The following RBMS3 variants were observed in gnomAD, a reference collection of about 807,000 sequenced individuals.
RBMS3 encodes the protein RNA-binding motif, single-stranded-interacting protein 3.
In RBMS3, 27 loss-of-function variants were observed where a neutral mutation model predicts 66.8. The ratio of observed to expected loss-of-function variants is 0.40; its 90% CI spans 0.30 to 0.56. The LOEUF (loss-of-function observed/expected upper bound fraction) is 0.56. RBMS3 is among the 20% of genes least tolerant of loss of function. RBMS3 has a pLI of 0.40. For synonymous variants in RBMS3, 188 were observed against 183.0 expected (o/e 1.03, Z -0.22); for missense variants, 513 against 549.5 (o/e 0.93, Z 0.66).
At chr3:29,682,697 C>G (rs956383886) in intron 4 of RBMS3, among the ~76,000 whole-genome samples, 18 of 152,286 alleles carry the variant, frequency 1.2e-4, no homozygotes, top group Non-Finnish European at 2.2e-4. Flanking sequence ...CAGAGTACCA[C>G]TCTATAACAT....
chr3:29,812,485 A>C (rs1044320948), intron 6 of RBMS3, among the ~76,000 whole-genome samples: 2 of 152,196 alleles, frequency 1.3e-5, no homozygotes, highest in Non-Finnish European at 2.9e-5. Flanking sequence ...CCGGTGAACT[A>C]AGATCTAACT....
intron 1 of RBMS3, among the ~76,000 whole-genome samples, chr3:29,284,437 C>A (rs1485389197): frequency 6.6e-6 from 1 of 152,100 alleles, no homozygotes; most frequent in South Asian, 2.1e-4. Context: ...AAAATGCACA[C>A]ATGCTGAACT....
At chr3:29,304,797 A>G (rs1326180478) in intron 1 of RBMS3, among the ~76,000 whole-genome samples, 1 of 151,920 alleles carries the variant, frequency 6.6e-6, no homozygotes, top group Non-Finnish European at 1.5e-5. Flanking sequence ...GATCCCCTGC[A>G]TTGTTCATAG....
intron 5 of RBMS3, among the ~76,000 whole-genome samples, chr3:29,753,421 C>T (rs1296148556): frequency 6.6e-6 from 1 of 152,216 alleles, no homozygotes; most frequent in Non-Finnish European, 1.5e-5. Context: ...AGACCACCCT[C>T]CCACAGGAGG....
intron 1 of RBMS3, among the ~76,000 whole-genome samples, chr3:29,332,601 T>C (rs978677875): frequency 6.6e-5 from 10 of 152,188 alleles, no homozygotes; most frequent in African/African-American, 2.4e-4. Context: ...GTGGTGTCAA[T>C]GCCTCCTTCA....
At chr3:29,384,174 G>A (rs939163460) in intron 1 of RBMS3, among the ~76,000 whole-genome samples, 2 of 152,096 alleles carry the variant, frequency 1.3e-5, no homozygotes, top group Middle Eastern at 3.4e-3. Flanking sequence ...AAATTAGCCA[G>A]GCATGGTGAG....
chr3:29,932,399 T>G (rs1464894366), intron 10 of RBMS3, among the ~76,000 whole-genome samples: 1 of 152,188 alleles, frequency 6.6e-6, no homozygotes, highest in Non-Finnish European at 1.5e-5. Flanking sequence ...ATAGCAGTTT[T>G]TAGACAGAGC....
At chr3:29,438,335 C>T (rs2125732355) in intron 2 of RBMS3, among the ~76,000 whole-genome samples, 1 of 152,056 alleles carries the variant, frequency 6.6e-6, no homozygotes, top group South Asian at 2.1e-4. Context: ...AAAACAGATA[C>T]ACAAAACAGC....
chr3:29,970,598 T>C (rs933754784), intron 12 of RBMS3, among the ~76,000 whole-genome samples: 1 of 152,204 alleles, frequency 6.6e-6, no homozygotes, highest in Non-Finnish European at 1.5e-5. Flanking sequence ...AACTGAGATA[T>C]CACTGGGTCT....
In RBMS3 at chr3:30,007,959, GC is replaced by G. The variant is rs1203042939; in HGVS notation, c.*4098del. On this transcript the variant is annotated 3_prime_UTR_variant, in exon 15 of 15. Coordinates refer to ENST00000383767, the MANE Select transcript of RBMS3 (RefSeq NM_001003793.3). Reference sequence around the variant, plus strand: ...AATATAAGGCTGAGAACTGAAGAAGGCTGTTTAAAGCAGGAATTTCACTTTA... The same window carrying G: ...AATATAAGGCTGAGAACTGAAGAAGGTGTTTAAAGCAGGAATTTCACTTTA... The G allele has an allele frequency of 6.6e-6, 1 of 151,976 alleles. No individual in the cohort carries two copies. Among genetic ancestry groups the G allele is most frequent in the Non-Finnish European group, 1.5e-5 (1 of 67,928 alleles). 9.4% of individuals were successfully genotyped at this position (151,976 alleles called of 1,614,324 possible).
intron 5 of RBMS3, among the ~76,000 whole-genome samples, chr3:29,750,474 CAT>C (rs1443221582): frequency 6.6e-6 from 1 of 152,136 alleles, no homozygotes; most frequent in Non-Finnish European, 1.5e-5. Context: ...TATATCAAGA[CAT>C]ATCTGAATTT....
chr3:29,869,170 C>T (rs1012224320), intron 7 of RBMS3, among the ~76,000 whole-genome samples: 6 of 152,254 alleles, frequency 3.9e-5, no homozygotes, highest in South Asian at 4.1e-4. Flanking sequence ...CTCAGTTCTG[C>T]ACTACAGCAA....
chr3:29,470,616 C>CTTA (rs2125796631), intron 2 of RBMS3, among the ~76,000 whole-genome samples: 1 of 151,936 alleles, frequency 6.6e-6, no homozygotes, highest in Non-Finnish European at 1.5e-5. Flanking sequence ...TCAAAAGATA[C>CTTA]TTATGGCAAT....
chr3:29,537,442 A>G (rs1292253644), intron 3 of RBMS3, among the ~76,000 whole-genome samples: 2 of 152,246 alleles, frequency 1.3e-5, no homozygotes, highest in Non-Finnish European at 2.9e-5. Context: ...GAAATTACCA[A>G]AATACCTTAA....
chr3:29,447,486 A>G, intron 2 of RBMS3, among the ~76,000 whole-genome samples: 1 of 152,188 alleles, frequency 6.6e-6, no homozygotes, highest in Non-Finnish European at 1.5e-5. Context: ...ATCAATTTTT[A>G]GCTGTGTCTC....
chr3:29,693,465 A>T (rs570425014), intron 4 of RBMS3, among the ~76,000 whole-genome samples: 2 of 152,124 alleles, frequency 1.3e-5, no homozygotes, highest in Non-Finnish European at 1.5e-5. Flanking sequence ...AAACAGGGGG[A>T]TGGGAAAAGC....
chr3:29,496,485 C>A (rs1463551231), intron 3 of RBMS3, among the ~76,000 whole-genome samples: 1 of 152,116 alleles, frequency 6.6e-6, no homozygotes, highest in African/African-American at 2.4e-5. Flanking sequence ...TCAGAATTGT[C>A]CTGTAGGTAC....
At position 29,886,707 on chromosome 3, in the gene RBMS3, T is replaced by C. The variant is rs1338727208; in HGVS notation, c.791+2499T>C. ...TCATAAGCCTGGGGAGTAATTATTA[T>C]TTTTTTTTTTAGCAACAGAGTGGTG... On this transcript the variant is annotated intron_variant, in intron 8 of 14. Coordinates refer to ENST00000383767, the MANE Select transcript of RBMS3 (RefSeq NM_001003793.3). Among the ~76,000 whole-genome samples the C allele has an allele frequency of 2.7e-5, 4 of 145,700 alleles. No individual in the cohort carries two copies. In the East Asian group the frequency reaches 8.0e-4, roughly 29 times the overall value.
rs537494983 is a variant in RBMS3 at position 29,474,827 on chromosome 3, A to C, written c.249-13614A>C. Among the ~76,000 whole-genome samples the C allele has an allele frequency of 1.8e-3, 278 of 152,330 alleles. 1 individual carries two copies. The highest frequency in any genetic ancestry group is 6.3e-3 in the African/African-American group (261 of 41,572). On this transcript the variant is annotated intron_variant, in intron 2 of 14. Transcript: ENST00000383767. ...GTAGAGAGGCAGGAGGAAAGGAAGA[A>C]AATTCTTGGCTGTTGGAATTGCAAC...
Sources: allele counts gnomAD v4.1 joint callset (sites outside exome capture counted in the v4.1 genomes callset), GRCh38; gene constraint gnomAD v4.1.1; transcripts MANE v1.5; gene names NCBI Gene and HGNC (gene_info 2026-07-23, HGNC 2026-07-21).